Variants in PIK3R6 observed in about 807,000 individuals in gnomAD.
The protein encoded by PIK3R6 is phosphoinositide 3-kinase regulatory subunit 6.
Under a neutral mutation model 84.9 loss-of-function variants are expected in PIK3R6, and 91 were observed. The observed-to-expected ratio is 1.07, with a 90% CI of 0.90 to 1.28. PIK3R6 has a LOEUF of 1.28. Ranked by LOEUF, PIK3R6 falls within the 50% of genes most tolerant of loss-of-function variation. PIK3R6 has a pLI of 0.00. For synonymous variants in PIK3R6, 416 were observed against 411.4 expected (o/e 1.01, Z -0.13); for missense variants, 996 against 985.1 (o/e 1.01, Z -0.15).
chr17:8,862,068 T>C lies in PIK3R6; in HGVS notation c.-92+5461A>G, dbSNP rs1489463125. On this transcript the variant is annotated intron_variant, in intron 1 of 19. Transcript: ENST00000619866. The surrounding 1 kb of genome is among the most constrained non-coding windows in gnomAD (Gnocchi z 4.3). ...GCATTAAATGTGTGGGTGCAAGACC[T>C]GAGCAGAAATGTGTTCTGATTGACA... Among the ~76,000 whole-genome samples, 3 of 152,214 alleles carry C rather than the reference T, an allele frequency of 2.0e-5. No homozygotes were observed. Among genetic ancestry groups the C allele is most frequent in the African/African-American group, 4.8e-5 (2 of 41,454 alleles).
intron 17 of PIK3R6, among the ~76,000 whole-genome samples, chr17:8,820,750 T>G (rs2087707631): frequency 1.3e-5 from 2 of 152,228 alleles, no homozygotes; most frequent in Non-Finnish European, 2.9e-5. Flanking sequence ...GAAGCTATGA[T>G]GCCCACTTAT....
Position 8,822,601 on chromosome 17 carries a change from G to T in PIK3R6, c.1774C>A (p.Leu592Ile), listed in dbSNP as rs771044066. Residue 592 changes from leucine to isoleucine, a missense_variant, in exon 16 of 20, where the codon CTA (leucine) becomes ATA (isoleucine). Leu to Ile is a conservative substitution (Grantham distance 5, BLOSUM62 2). Transcript: ENST00000619866. ...VAEGPGAELS[L>I]CYQKALLSHR... ...TGCACACTGACCTTCTGGTAGCATA[G>T]GGAGAGCTCTGCCCCTGGGCCCTCA... 1 of 1,614,002 alleles carries T rather than the reference G, an allele frequency of 6.2e-7. No individual in the cohort carries two copies. The highest frequency in any genetic ancestry group is 1.1e-5 in the South Asian group (1 of 91,066).
At chr17:8,841,263 A>T (rs9898903) in intron 2 of PIK3R6, among the ~76,000 whole-genome samples, 29,018 of 152,026 alleles carry the variant, frequency 0.19, 2,983 homozygotes, top group African/African-American at 0.27. Context: ...CTCCTTGACC[A>T]AACCTTACTC....
intron 7 of PIK3R6, among the ~76,000 whole-genome samples, chr17:8,836,208 G>A (rs2088459143): frequency 6.6e-6 from 1 of 152,208 alleles, no homozygotes; most frequent in South Asian, 2.1e-4. Context: ...TGCCTGGCTG[G>A]TATGATGCTG....
intron 1 of PIK3R6, among the ~76,000 whole-genome samples, chr17:8,858,297 T>C (rs983504646): frequency 2.0e-5 from 3 of 151,836 alleles, no homozygotes; most frequent in Non-Finnish European, 4.4e-5. Flanking sequence ...CTCTGAATGT[T>C]TTCTCAATTA....
At chr17:8,840,151 AATATATATATGAAATATAGCCTCCAAAT>A in intron 2 of PIK3R6, among the ~76,000 whole-genome samples, 1 of 111,436 alleles carries the variant, frequency 9.0e-6, no homozygotes, top group African/African-American at 3.7e-5. Context: ...ATAGCCTCCA[AATATATATATGAAATATAGCCTCCAAAT>A]ATATATATGA....
chr17:8,819,285 T>C (rs963821890), intron 17 of PIK3R6, 87 bp from the exon 18 acceptor site: 7 of 956,430 alleles, frequency 7.3e-6, no homozygotes, highest in Non-Finnish European at 1.1e-5. Context: ...CAGGAACCCA[T>C]CTTGACACCC....
intron 18 of PIK3R6, among the ~76,000 whole-genome samples, chr17:8,815,733 C>T (rs561690355): frequency 6.6e-6 from 1 of 152,066 alleles, no homozygotes; most frequent in South Asian, 2.1e-4. Flanking sequence ...CAGTGAAAGA[C>T]TAGAAAGCAA....
rs199737609 is a variant in PIK3R6 at position 8,829,405 on chromosome 17, TAC to T, written c.889+299_889+300del. Among the ~76,000 whole-genome samples the T allele has an allele frequency of 0.034, 4,204 of 122,430 alleles. 342 individuals carry two copies. In the East Asian group the frequency reaches 0.35, roughly 10 times the overall value. 80.3% of individuals were successfully genotyped at this position (122,430 alleles called of 152,430 possible). ...ACACTGACACACACGCATGCACACA[TAC>T]ACACAGACACACTGACACACTCATG... On this transcript the variant is annotated intron_variant, in intron 10 of 19. Coordinates refer to ENST00000619866, the MANE Select transcript of PIK3R6 (RefSeq NM_001010855.4).
intron 9 of PIK3R6, among the ~76,000 whole-genome samples, chr17:8,832,375 CTT>C (rs759188865): frequency 0.014 from 1,059 of 77,724 alleles, 3 homozygotes; most frequent in African/African-American, 0.051. Context: ...TACCCACCTT[CTT>C]TTTTTTTTTT....
In PIK3R6 at chr17:8,846,840, A is replaced by G. The variant is rs1297133708; in HGVS notation, c.13+2942T>C. Among the ~76,000 whole-genome samples, 5 of 152,078 alleles carry G rather than the reference A, an allele frequency of 3.3e-5. No individual in the cohort carries two copies. In the East Asian group the frequency reaches 9.6e-4, roughly 29 times the overall value. ...TCCCAAACTCCCCTGCAGTTAGATA[A>G]TAGCCATGTGACTGCATTCTGGCCA... On this transcript the variant is annotated intron_variant, in intron 2 of 19. Coordinates refer to ENST00000619866, the MANE Select transcript of PIK3R6 (RefSeq NM_001010855.4).
intron 10 of PIK3R6, 77 bp downstream of exon 10, chr17:8,829,629 G>T (rs1241254286): frequency 5.0e-6 from 7 of 1,397,014 alleles, no homozygotes; most frequent in African/African-American, 1.4e-5. Flanking sequence ...CATGCACACT[G>T]ACACACACTC....
chr17:8,858,796 G>A (rs1435792164), intron 1 of PIK3R6, among the ~76,000 whole-genome samples: 1 of 152,220 alleles, frequency 6.6e-6, no homozygotes, highest in Non-Finnish European at 1.5e-5. Flanking sequence ...CACTTAGTGG[G>A]TGAGTGGAGG....
At chr17:8,854,081 G>C (rs763687115) in intron 1 of PIK3R6, among the ~76,000 whole-genome samples, 10 of 151,938 alleles carry the variant, frequency 6.6e-5, no homozygotes, top group Non-Finnish European at 1.3e-4. Flanking sequence ...AAAGTTTATA[G>C]GGAAAGGCAG....
chr17:8,856,062 C>A (rs753756625), intron 1 of PIK3R6, among the ~76,000 whole-genome samples: 1 of 152,156 alleles, frequency 6.6e-6, no homozygotes, highest in Non-Finnish European at 1.5e-5. Flanking sequence ...GGCAGCCAGG[C>A]GCTAAATCCT....
chr17:8,838,471 A>C (rs1394858074), intron 4 of PIK3R6, 93 bp downstream of exon 4: 3 of 1,142,012 alleles, frequency 2.6e-6, no homozygotes, highest in African/African-American at 1.6e-5. Context: ...ACCAAAGCTT[A>C]TGAGATATAG....
chr17:8,814,228 TTTTTTTTTTG>T, intron 18 of PIK3R6, among the ~76,000 whole-genome samples: 1 of 145,322 alleles, frequency 6.9e-6, no homozygotes, highest in African/African-American at 2.6e-5. Flanking sequence ...TTTTTTTTTT[TTTTTTTTTTG>T]AGACAGAGTC....
In PIK3R6 at chr17:8,803,130, C is replaced by T. The variant is rs2087088242; in HGVS notation, c.*143G>A. 2.8e-6 allele frequency: 3 copies of T among 1,060,030 alleles called. No individual in the cohort carries two copies. The highest frequency in any genetic ancestry group is 1.6e-5 in the African/African-American group (1 of 62,896). 65.7% of individuals were successfully genotyped at this position (1,060,030 alleles called of 1,614,324 possible). A position where few individuals can be genotyped will look rare whatever the true frequency, so the allele number is the denominator to read the frequency against. On this transcript the variant is annotated 3_prime_UTR_variant, in exon 20 of 20. Transcript: ENST00000619866. This position sits in a 1 kb window ranked among gnomAD's most constrained non-coding sequence, Gnocchi z 5.0. ...CTCATCACAGTCCCCAGGGTAGGCT[C>T]CCTGTGCTCCCAGGCACTCGCTGGC... is the stretch of plus-strand genomic sequence containing the variant.
intron 1 of PIK3R6, among the ~76,000 whole-genome samples, chr17:8,864,018 G>A (rs73973238): frequency 0.015 from 2,290 of 152,310 alleles, 66 homozygotes; most frequent in African/African-American, 0.051. Context: ...GGTGCAATGA[G>A]TGGGGGACAC....
Sources: gnomAD v4.1 joint callset for allele counts (sites outside exome capture counted in the v4.1 genomes callset) on GRCh38, gnomAD v4.1.1 for gene constraint, Gnocchi (gnomAD v3.1) non-coding constraint, MANE v1.5 for transcripts, NCBI Gene and HGNC (gene_info 2026-07-23, HGNC 2026-07-21) for gene names.